Variants in THSD7B observed in about 807,000 individuals in gnomAD.
THSD7B encodes the protein thrombospondin type-1 domain-containing protein 7B.
Under a neutral mutation model 213.6 loss-of-function variants are expected in THSD7B, and 138 were observed. That is an observed-to-expected ratio of 0.65 (90% confidence interval 0.56 to 0.74). The LOEUF (loss-of-function observed/expected upper bound fraction) is 0.74, where lower values mean the gene tolerates loss of function less well. THSD7B is among the 30% of genes least tolerant of loss of function. The probability of loss-of-function intolerance (pLI) is 0.00; values close to 1 mark genes in which losing one functional copy is unlikely to be tolerated. For synonymous variants in THSD7B, 742 were observed against 687.0 expected, an observed-to-expected ratio of 1.08 and a Z score of -1.25; for missense variants, 1,931 against 1,991.5, an observed-to-expected ratio of 0.97 and a Z score of 0.58.
chr2:137,459,541 C>T lies in THSD7B; in HGVS notation c.3138+8518C>T, dbSNP rs557444236. Among the ~76,000 whole-genome samples, 13 of 151,924 alleles carry T rather than the reference C, an allele frequency of 8.6e-5. No homozygotes were observed. The South Asian group carries it at 1.2e-3, about 15-fold the overall frequency. On this transcript the variant is annotated intron_variant, in intron 15 of 27. Coordinates refer to ENST00000409968, the MANE Select transcript of THSD7B (RefSeq NM_001316349.2). Reference sequence around the variant, plus strand: ...ATTAGCTAGGTGTGGTGATAGGTGCCGTAATCCCAGCTACCTGGAAGGCTG... The same window carrying T: ...ATTAGCTAGGTGTGGTGATAGGTGCTGTAATCCCAGCTACCTGGAAGGCTG...
intron 12 of THSD7B, among the ~76,000 whole-genome samples, chr2:137,333,780 T>C (rs1352345248): frequency 6.6e-6 from 1 of 152,220 alleles, no homozygotes; most frequent in East Asian, 1.9e-4. Context: ...CTGTTATTTT[T>C]AGTCCTGGTC....
intron 14 of THSD7B, among the ~76,000 whole-genome samples, chr2:137,419,743 G>A (rs1387195821): frequency 2.6e-5 from 4 of 151,994 alleles, no homozygotes; most frequent in African/African-American, 4.8e-5. Flanking sequence ...AATCTGGTCC[G>A]AGAATTTACC....
At chr2:137,080,912 T>C (rs1011698504) in intron 3 of THSD7B, among the ~76,000 whole-genome samples, 2 of 152,150 alleles carry the variant, frequency 1.3e-5, no homozygotes, top group African/African-American at 2.4e-5. Flanking sequence ...TCCAGCAAAT[T>C]CTTGAGGAAA....
chr2:137,311,787 T>A (rs1198858663), intron 12 of THSD7B, among the ~76,000 whole-genome samples: 1 of 150,792 alleles, frequency 6.6e-6, no homozygotes, highest in Non-Finnish European at 1.5e-5. Context: ...TCTTTGGTTC[T>A]GTTTATATGC....
chr2:137,086,391 G>A (rs62172281), intron 3 of THSD7B, among the ~76,000 whole-genome samples: 14,235 of 151,944 alleles, frequency 0.094, 747 homozygotes, highest in East Asian at 0.17. Context: ...TAGCTATAGG[G>A]GCAAAACCAT....
intron 12 of THSD7B, among the ~76,000 whole-genome samples, chr2:137,291,262 C>T (rs571890618): frequency 6.6e-6 from 1 of 152,238 alleles, no homozygotes; most frequent in African/African-American, 2.4e-5. Flanking sequence ...ATTCCATTCT[C>T]CCAGTTGTAA....
intron 7 of THSD7B, among the ~76,000 whole-genome samples, chr2:137,212,945 G>A (rs1208096142): frequency 1.3e-5 from 2 of 149,680 alleles, no homozygotes; most frequent in African/African-American, 4.9e-5. Context: ...TTCAAGGACA[G>A]GAATGTTGTT....
chr2:137,416,792 C>T (rs1686808763), intron 14 of THSD7B, among the ~76,000 whole-genome samples: 1 of 152,184 alleles, frequency 6.6e-6, no homozygotes. Flanking sequence ...GCACAGAAAA[C>T]CTTGTTCTAT....
chr2:137,004,821 A>C (rs993056029), intron 2 of THSD7B, among the ~76,000 whole-genome samples: 4 of 152,202 alleles, frequency 2.6e-5, no homozygotes, highest in African/African-American at 9.7e-5. Flanking sequence ...AGTGCTTTGA[A>C]ATATATTCAT....
At chr2:136,929,297 A>G (rs1684591675) in intron 2 of THSD7B, among the ~76,000 whole-genome samples, 1 of 152,168 alleles carries the variant, frequency 6.6e-6, no homozygotes, top group South Asian at 2.1e-4. Flanking sequence ...TATTTAATTT[A>G]GTTTTGAGAC....
chr2:137,381,179 C>A lies in THSD7B; in HGVS notation c.2501-24434C>A, dbSNP rs116074590. Among the ~76,000 whole-genome samples the A allele has an allele frequency of 6.4e-3, 976 of 152,300 alleles. 12 individuals carry two copies. The highest frequency in any genetic ancestry group is 0.023 in the African/African-American group (945 of 41,564). ...TGTGGCTGCAACATGGATTGTGGTA[C>A]CCGGTGGCAGCCGTATTGCTCAGAT... On this transcript the variant is annotated intron_variant, in intron 12 of 27. Coordinates refer to ENST00000409968, the MANE Select transcript of THSD7B (RefSeq NM_001316349.2).
In THSD7B at chr2:136,957,398, A is replaced by G. The variant is rs369198495; in HGVS notation, c.139+75081A>G. Among the ~76,000 whole-genome samples, 15 of 150,944 alleles carry G rather than the reference A, an allele frequency of 9.9e-5. No homozygotes were observed. In the East Asian group the frequency reaches 2.9e-3, roughly 29 times the overall value. On this transcript the variant is annotated intron_variant, in intron 2 of 27. Coordinates refer to ENST00000409968, the MANE Select transcript of THSD7B (RefSeq NM_001316349.2). ...CTGTATGAGCCCAGAGTCCTGCTGT[A>G]ACTATTTTAGCCTTTTCAGTTGCAT...
chr2:136,777,187 C>T lies in THSD7B; in HGVS notation c.-36+11500C>T, dbSNP rs140734796. 3.0e-3 allele frequency among the ~76,000 whole-genome samples: 452 copies of T among 152,076 alleles called. 1 individual carries two copies. The highest frequency in any genetic ancestry group is 0.01 in the African/African-American group (430 of 41,482). On this transcript the variant is annotated intron_variant, in intron 1 of 27. Transcript: ENST00000409968. ...ATTTAGAGAAGCTTTATGAACAAGA[C>T]CAAAAACGAATGGGAAAGAAATGAA...
At chr2:136,813,652 TC>T (rs1240891186) in intron 1 of THSD7B, among the ~76,000 whole-genome samples, 4 of 151,088 alleles carry the variant, frequency 2.6e-5, no homozygotes, top group South Asian at 4.2e-4. Context: ...ATTTTTTTTT[TC>T]CAGTGAACTC....
At chr2:137,404,476 C>T (rs13414134) in intron 12 of THSD7B, among the ~76,000 whole-genome samples, 1,175 of 82,510 alleles carry the variant, frequency 0.014, 1 homozygote, top group South Asian at 0.021. Context: ...TATATATATA[C>T]ACACACACAC....
intron 2 of THSD7B, among the ~76,000 whole-genome samples, chr2:137,045,608 A>C (rs903071534): frequency 5.9e-5 from 9 of 152,264 alleles, no homozygotes; most frequent in African/African-American, 1.7e-4. Flanking sequence ...GAACTACTGT[A>C]GTAAGCTGGT....
chr2:137,149,193 C>T (rs1041376268), intron 5 of THSD7B, among the ~76,000 whole-genome samples: 1 of 152,120 alleles, frequency 6.6e-6, no homozygotes, highest in Non-Finnish European at 1.5e-5. Flanking sequence ...TGGTGTTGGG[C>T]CTTTTGGTGC....
intron 12 of THSD7B, among the ~76,000 whole-genome samples, chr2:137,385,685 C>T (rs967883564): frequency 4.6e-5 from 7 of 152,106 alleles, no homozygotes; most frequent in South Asian, 2.1e-4. Context: ...TCCACACACA[C>T]GTGCAAAAAA....
intron 10 of THSD7B, among the ~76,000 whole-genome samples, chr2:137,246,508 G>A (rs868214941): frequency 5.9e-5 from 9 of 152,150 alleles, no homozygotes; most frequent in African/African-American, 9.7e-5. Flanking sequence ...GATGAATTCC[G>A]TCAGGTTTTA....
Sources: allele counts gnomAD v4.1 joint callset (sites outside exome capture counted in the v4.1 genomes callset), GRCh38; gene constraint gnomAD v4.1.1; transcripts MANE v1.5; gene names NCBI Gene and HGNC (gene_info 2026-07-23, HGNC 2026-07-21).